MBNL1: variants seen among roughly 807,000 people sequenced by gnomAD.
The protein encoded by MBNL1 is muscleblind-like protein 1.
In MBNL1, 8 loss-of-function variants were observed where a neutral mutation model predicts 42.2. The ratio of observed to expected loss-of-function variants is 0.19; its 90% CI spans 0.11 to 0.34. MBNL1 has a LOEUF of 0.34. MBNL1 is among the 10% of genes least tolerant of loss of function. The probability of loss-of-function intolerance (pLI) is 1.00; values close to 1 mark genes in which losing one functional copy is unlikely to be tolerated. For missense variants in MBNL1, 309 were observed against 495.3 expected (o/e 0.62, Z 3.57); for synonymous variants, 169 against 173.9 (o/e 0.97, Z 0.22).
intron 3 of MBNL1, among the ~76,000 whole-genome samples, chr3:152,415,421 C>T (rs145221684): frequency 7.9e-5 from 12 of 152,136 alleles, no homozygotes; most frequent in Non-Finnish European, 1.2e-4. Context: ...TCTAACTCAC[C>T]GGTATAGTCA....
chr3:152,271,960 TTA>T (rs1290860724), intron 1 of MBNL1, among the ~76,000 whole-genome samples: 1 of 151,960 alleles, frequency 6.6e-6, no homozygotes, highest in Non-Finnish European at 1.5e-5. Flanking sequence ...ATTTTTATAT[TTA>T]TGATATGTTT....
chr3:152,300,434 T>G (rs17368446), intron 2 of MBNL1, 67 bp downstream of exon 2: 115,178 of 1,282,312 alleles, frequency 0.09, 6,015 homozygotes, highest in Middle Eastern at 0.16. Context: ...GACATACAGT[T>G]CTCTGCATAT....
chr3:152,417,960 A>G (rs757963328), intron 3 of MBNL1, among the ~76,000 whole-genome samples: 4 of 152,332 alleles, frequency 2.6e-5, no homozygotes, highest in Non-Finnish European at 5.9e-5. Flanking sequence ...GACGAGGTCT[A>G]TACATTTAAT....
intron 3 of MBNL1, among the ~76,000 whole-genome samples, chr3:152,421,366 C>T (rs1288844022): frequency 1.3e-5 from 2 of 152,170 alleles, no homozygotes; most frequent in African/African-American, 2.4e-5. Flanking sequence ...AGTGTTCTTG[C>T]TCAGTGGATC....
chr3:152,338,167 A>G, intron 2 of MBNL1: 1 of 985,408 alleles, frequency 1.0e-6, no homozygotes, highest in Non-Finnish European at 1.2e-6. Flanking sequence ...TATGTATGGG[A>G]TGCTAGAATG....
chr3:152,394,555 C>T (rs1010662389), intron 2 of MBNL1, among the ~76,000 whole-genome samples: 2 of 151,310 alleles, frequency 1.3e-5, no homozygotes, highest in African/African-American at 2.4e-5. Context: ...CTATAGAATC[C>T]TTGACAGAAT....
Position 152,447,522 on chromosome 3 carries a change from T to C in MBNL1, c.808-98T>C. On this transcript the variant is annotated intron_variant, in intron 5 of 9. Transcript: ENST00000324210. ...GTAGTTAAGTGCTCTGCTGCTTGCT[T>C]GCTCATGCTTCCTAACAATTTTAGC... 4 of 882,446 alleles carry C rather than the reference T, an allele frequency of 4.5e-6. No homozygotes were observed. In the South Asian group the frequency reaches 6.3e-5, roughly 14 times the overall value. 54.7% of individuals were successfully genotyped at this position (882,446 alleles called of 1,614,324 possible). A position where few individuals can be genotyped will look rare whatever the true frequency, so the allele number is the denominator to read the frequency against.
intron 2 of MBNL1, among the ~76,000 whole-genome samples, chr3:152,403,036 A>T (rs746814865): frequency 6.6e-6 from 1 of 152,168 alleles, no homozygotes; most frequent in Non-Finnish European, 1.5e-5. Flanking sequence ...ACAGGTAGAG[A>T]GTGTAGAAAT....
At chr3:152,416,721 C>G (rs1484497563) in intron 3 of MBNL1, among the ~76,000 whole-genome samples, 1 of 152,208 alleles carries the variant, frequency 6.6e-6, no homozygotes, top group Non-Finnish European at 1.5e-5. Flanking sequence ...CTGACCTAGC[C>G]CTTGAGTCTT....
At chr3:152,279,206 A>G (rs2046997797) in intron 1 of MBNL1, among the ~76,000 whole-genome samples, 1 of 152,146 alleles carries the variant, frequency 6.6e-6, no homozygotes, top group African/African-American at 2.4e-5. Context: ...ACAACCTGGT[A>G]GTGATAGTAG....
intron 2 of MBNL1, among the ~76,000 whole-genome samples, chr3:152,339,009 T>C (rs1014557354): frequency 1.3e-5 from 2 of 152,150 alleles, no homozygotes; most frequent in Admixed American, 6.6e-5. Flanking sequence ...AAAGATAAAA[T>C]AGAAATTATT....
intron 2 of MBNL1, among the ~76,000 whole-genome samples, chr3:152,252,884 C>G (rs2034865708): frequency 6.6e-6 from 1 of 152,046 alleles, no homozygotes; most frequent in Admixed American, 6.6e-5. Context: ...CAGTACTTCC[C>G]TATATTCTAC....
intron 2 of MBNL1, among the ~76,000 whole-genome samples, chr3:152,385,765 A>C (rs2097386902): frequency 6.6e-6 from 1 of 152,072 alleles, no homozygotes; most frequent in African/African-American, 2.4e-5. Context: ...TAGAATTTCT[A>C]CCAAACATTA....
At chr3:152,374,753 G>C (rs958139289) in intron 2 of MBNL1, among the ~76,000 whole-genome samples, 4 of 152,170 alleles carry the variant, frequency 2.6e-5, no homozygotes, top group African/African-American at 9.7e-5. Context: ...TGCTTGAGCT[G>C]TTTCTAACAT....
chr3:152,352,002 A>C (rs538731394), intron 2 of MBNL1, among the ~76,000 whole-genome samples: 15 of 152,302 alleles, frequency 9.8e-5, no homozygotes, highest in Admixed American at 3.9e-4. Context: ...TCTATTTTTC[A>C]AAGTACAGTT....
intron 2 of MBNL1, among the ~76,000 whole-genome samples, chr3:152,307,287 C>G (rs1475707882): frequency 6.6e-6 from 1 of 152,142 alleles, no homozygotes; most frequent in African/African-American, 2.4e-5. Context: ...CCGCGCCCAG[C>G]CTACTATTCA....
intron 2 of MBNL1, among the ~76,000 whole-genome samples, chr3:152,311,801 G>A (rs1248116911): frequency 6.6e-6 from 1 of 151,936 alleles, no homozygotes; most frequent in Non-Finnish European, 1.5e-5. Flanking sequence ...GGCATAAAGA[G>A]CATGTTTGCT....
intron 2 of MBNL1, among the ~76,000 whole-genome samples, chr3:152,351,167 A>G (rs1010531194): frequency 6.6e-5 from 10 of 152,340 alleles, no homozygotes; most frequent in African/African-American, 2.4e-4. Context: ...AAAGCCAGAT[A>G]GAAGTTGTAA....
chr3:152,297,106 G>T (rs2058828070), intron 1 of MBNL1, among the ~76,000 whole-genome samples: 1 of 152,088 alleles, frequency 6.6e-6, no homozygotes, highest in African/African-American at 2.4e-5. Flanking sequence ...TACATGTGAG[G>T]CACTTGAAGA....
Sources: gnomAD v4.1 joint callset for allele counts (sites outside exome capture counted in the v4.1 genomes callset) on GRCh38, gnomAD v4.1.1 for gene constraint, MANE v1.5 for transcripts, NCBI Gene and HGNC (gene_info 2026-07-23, HGNC 2026-07-21) for gene names.